The following FAM151B variants were observed in gnomAD, a reference collection of about 807,000 sequenced individuals.
The protein encoded by FAM151B is protein FAM151B.
In FAM151B, 24 loss-of-function variants were observed where a neutral mutation model predicts 31.2. That is an observed-to-expected ratio of 0.77 (90% CI 0.56 to 1.08). FAM151B has a LOEUF of 1.08. Among genes scored for constraint, FAM151B ranks in the 50% least tolerant of loss-of-function variants. The pLI is 0.00. For synonymous variants in FAM151B, 105 were observed against 111.4 expected (o/e 0.94, Z 0.36); for missense variants, 293 against 328.6 (o/e 0.89, Z 0.84).
intron 3 of FAM151B, among the ~76,000 whole-genome samples, chr5:80,516,999 G>A (rs1744476003): frequency 6.6e-6 from 1 of 152,168 alleles, no homozygotes; most frequent in African/African-American, 2.4e-5. Context: ...TTCCATCCCA[G>A]CTGGGGTGTG....
intron 5 of FAM151B, among the ~76,000 whole-genome samples, chr5:80,539,729 C>T (rs369265844): frequency 6.6e-6 from 1 of 151,224 alleles, no homozygotes; most frequent in East Asian, 1.9e-4. Flanking sequence ...TGAGCTCAGG[C>T]AATCGGCCTG....
rs1743709605 is a variant in FAM151B at position 80,500,718 on chromosome 5, T to C, written c.26-1074T>C. 3.5e-6 allele frequency: 3 copies of C among 852,382 alleles called. No homozygotes were observed. In the South Asian group the frequency reaches 3.9e-5, roughly 11 times the overall value. 52.8% of individuals were successfully genotyped at this position (852,382 alleles called of 1,614,324 possible). A position where few individuals can be genotyped will look rare whatever the true frequency, so the allele number is the denominator to read the frequency against. On this transcript the variant is annotated intron_variant, in intron 1 of 5. Coordinates refer to ENST00000282226, the MANE Select transcript of FAM151B (RefSeq NM_205548.3). ...TTTGTGAAGCTCAACAGGCTTCAGT[T>C]AACATGCTGAGGATTGTAGAGCCAT...
chr5:80,533,550 G>C (rs933448213), intron 5 of FAM151B, among the ~76,000 whole-genome samples: 1 of 151,902 alleles, frequency 6.6e-6, no homozygotes, highest in Non-Finnish European at 1.5e-5. Context: ...TCAGGAGTTT[G>C]AGACCAGCCT....
At chr5:80,526,198 A>G (rs1744956633) in intron 5 of FAM151B, among the ~76,000 whole-genome samples, 2 of 152,072 alleles carry the variant, frequency 1.3e-5, no homozygotes, top group Admixed American at 6.6e-5. Context: ...ATTTGGTTGA[A>G]AAAAATCAGT....
intron 2 of FAM151B, among the ~76,000 whole-genome samples, chr5:80,504,666 T>C (rs1743882887): frequency 6.6e-6 from 1 of 151,718 alleles, no homozygotes; most frequent in Admixed American, 6.6e-5. Flanking sequence ...ACTATGGGCA[T>C]GTGCCACCAT....
chr5:80,500,912 A>G (rs984709400), intron 1 of FAM151B: 28 of 772,232 alleles, frequency 3.6e-5, no homozygotes, highest in African/African-American at 2.9e-4. Flanking sequence ...CATGAGATCT[A>G]TACTGTTGGA....
At chr5:80,538,372 TTTTCTTTCTTTCTTTCTTTCTTTCTTTC>T (rs1315996184) in intron 5 of FAM151B, among the ~76,000 whole-genome samples, 4 of 111,556 alleles carry the variant, frequency 3.6e-5, no homozygotes, top group African/African-American at 1.3e-4. Context: ...CAGCCTTTCT[TTTTCTTTCTTTCTTTCTTTCTTTCTTTC>T]TTTCTTTCTT....
At chr5:80,506,371 C>G (rs927294374) in intron 2 of FAM151B, among the ~76,000 whole-genome samples, 1 of 152,124 alleles carries the variant, frequency 6.6e-6, no homozygotes, top group East Asian at 1.9e-4. Context: ...AAGACGACAC[C>G]AAGGACAGTG....
intron 4 of FAM151B, among the ~76,000 whole-genome samples, chr5:80,521,679 C>A (rs904087648): frequency 9.2e-5 from 14 of 151,974 alleles, no homozygotes; most frequent in African/African-American, 3.1e-4. Context: ...AAAAGAAGAG[C>A]CTTAAAATAT....
At chr5:80,537,970 C>A (rs1378270027) in intron 5 of FAM151B, among the ~76,000 whole-genome samples, 3 of 152,012 alleles carry the variant, frequency 2.0e-5, no homozygotes, top group Non-Finnish European at 4.4e-5. Flanking sequence ...TCTTCCTGCC[C>A]AATGTCACTA....
chr5:80,519,797 A>G lies in FAM151B; in HGVS notation c.422A>G (p.Asn141Ser), dbSNP rs1275072832. Residue 141 changes from asparagine (N) to serine (S), a missense_variant, in exon 4 of 6, where the codon AAT (asparagine) becomes AGT (serine). Coordinates refer to ENST00000282226, the MANE Select transcript of FAM151B (RefSeq NM_205548.3). ...NADILPGPNG[N>S]SKVIDAKPFL... ...GATATTCTTCCTGGTCCAAATGGAA[A>G]TAGCAAAGTAATAGATGCAAAACCA... 1.9e-6 allele frequency: 3 copies of G among 1,614,096 alleles called. No homozygotes were observed. The highest frequency in any genetic ancestry group is 2.5e-6 in the Non-Finnish European group (3 of 1,180,034).
rs73769121 is a variant in FAM151B at position 80,513,522 on chromosome 5, C to T, written c.152-82C>T. 4.0e-3 allele frequency: 5,366 copies of T among 1,334,192 alleles called. 140 individuals are homozygous for T. In the African/African-American group the frequency reaches 0.06, roughly 15 times the overall value. 82.6% of individuals were successfully genotyped at this position (1,334,192 alleles called of 1,614,324 possible). A position where few individuals can be genotyped will look rare whatever the true frequency, so the allele number is the denominator to read the frequency against. On this transcript the variant is annotated intron_variant, in intron 2 of 5. Transcript: ENST00000282226. ...TTCTTTCCTTTTTTTTTATCTTCCT[C>T]AAAAGGATACTGAACATGGTGCCTC... is the stretch of plus-strand genomic sequence containing the variant.
intron 1 of FAM151B, among the ~76,000 whole-genome samples, chr5:80,494,503 T>C (rs1407668828): frequency 6.7e-6 from 1 of 148,766 alleles, no homozygotes; most frequent in Non-Finnish European, 1.5e-5. Flanking sequence ...TTTCTTTCTT[T>C]CTTTCTTTCT....
At chr5:80,494,670 G>A (rs1006675595) in intron 1 of FAM151B, among the ~76,000 whole-genome samples, 1 of 151,718 alleles carries the variant, frequency 6.6e-6, no homozygotes, top group South Asian at 2.1e-4. Context: ...ACACCACCAC[G>A]GCCTACTAAT....
At position 80,518,603 on chromosome 5, in the gene FAM151B, G is replaced by A. The variant is rs115349315; in HGVS notation, c.318-1090G>A. Among the ~76,000 whole-genome samples, 529 of 152,294 alleles carry A rather than the reference G, an allele frequency of 3.5e-3. 2 individuals carry two copies. The highest frequency in any genetic ancestry group is 0.012 in the African/African-American group (511 of 41,570). ...AATCTAGGCCCTCCCCAATTCAGGG[G>A]CAGAAGAGTGAGAAGGAAGCGTACC... On this transcript the variant is annotated intron_variant, in intron 3 of 5. Transcript: ENST00000282226.
chr5:80,536,321 C>A (rs1477381931), intron 5 of FAM151B, among the ~76,000 whole-genome samples: 1 of 151,408 alleles, frequency 6.6e-6, no homozygotes, highest in Non-Finnish European at 1.5e-5. Flanking sequence ...CAGGCGCCCG[C>A]CACCAAGTCC....
At chr5:80,513,874 T>A in intron 3 of FAM151B, 105 bp downstream of exon 3, 1 of 1,132,750 alleles carries the variant, frequency 8.8e-7, no homozygotes. Context: ...TTGTAGACTC[T>A]AATATATTTC....
At chr5:80,526,849 G>T (rs1433752164) in intron 5 of FAM151B, among the ~76,000 whole-genome samples, 4 of 152,058 alleles carry the variant, frequency 2.6e-5, no homozygotes, top group Non-Finnish European at 4.4e-5. Context: ...CAAAAGATGA[G>T]GGGTGGGGGC....
intron 1 of FAM151B, chr5:80,501,328 AC>A: frequency 1.6e-6 from 2 of 1,242,900 alleles, no homozygotes; most frequent in African/African-American, 1.5e-5. Context: ...CCGAGAGACC[AC>A]CCATTTTGTA....
Sources: gnomAD v4.1 joint callset for allele counts (sites outside exome capture counted in the v4.1 genomes callset) on GRCh38, gnomAD v4.1.1 for gene constraint, MANE v1.5 for transcripts, NCBI Gene and HGNC (gene_info 2026-07-23, HGNC 2026-07-21) for gene names.